The following CASQ2 variants were observed in gnomAD, a reference collection of about 807,000 sequenced individuals.
The protein encoded by CASQ2 is calsequestrin-2.
A neutral mutation model predicts 46.5 loss-of-function variants in CASQ2; 49 were observed. The ratio of observed to expected loss-of-function variants is 1.05; its 90% CI spans 0.84 to 1.34. The LOEUF is 1.34. Among genes scored for constraint, CASQ2 ranks in the 40% most tolerant of loss-of-function variants. CASQ2 has a pLI of 0.00. For synonymous variants in CASQ2, 174 were observed against 168.5 expected (o/e 1.03, Z -0.25); for missense variants, 486 against 481.3 (o/e 1.01, Z -0.09).
At chr1:115,705,962 G>A (rs563653949) in intron 8 of CASQ2, among the ~76,000 whole-genome samples, 1 of 152,248 alleles carries the variant, frequency 6.6e-6, no homozygotes, top group South Asian at 2.1e-4. Flanking sequence ...AGCTTTAAAA[G>A]CCTAAACCTT....
At chr1:115,730,609 T>C (rs1047839859) in intron 5 of CASQ2, among the ~76,000 whole-genome samples, 2 of 152,206 alleles carry the variant, frequency 1.3e-5, no homozygotes, top group Non-Finnish European at 2.9e-5. Flanking sequence ...CCTCAATAGA[T>C]TCTTCTTCCT....
At chr1:115,726,033 C>G (rs1213812965) in intron 6 of CASQ2, among the ~76,000 whole-genome samples, 1 of 152,160 alleles carries the variant, frequency 6.6e-6, no homozygotes, top group Admixed American at 6.5e-5. Flanking sequence ...CAGACAGGAT[C>G]TATATTTTGC....
chr1:115,723,888 T>C (rs568488298), intron 7 of CASQ2, among the ~76,000 whole-genome samples: 1 of 152,304 alleles, frequency 6.6e-6, no homozygotes, highest in South Asian at 2.1e-4. Context: ...GGAAAGTTTG[T>C]TTCTATTGTG....
chr1:115,735,228 A>G (rs1489892361), intron 4 of CASQ2, among the ~76,000 whole-genome samples: 1 of 152,228 alleles, frequency 6.6e-6, no homozygotes, highest in African/African-American at 2.4e-5. Flanking sequence ...AAGTGACTCC[A>G]ATAACATTCA....
intron 1 of CASQ2, among the ~76,000 whole-genome samples, chr1:115,748,910 C>G (rs2101106235): frequency 6.6e-6 from 1 of 152,272 alleles, no homozygotes; most frequent in East Asian, 1.9e-4. Flanking sequence ...ATAAGAATCA[C>G]CCAGGGACTA....
intron 1 of CASQ2, 61 bp from the exon 2 acceptor site, chr1:115,744,973 A>G (rs1377824957): frequency 1.7e-6 from 2 of 1,163,728 alleles, no homozygotes; most frequent in African/African-American, 1.5e-5. Context: ...AAAATATTAC[A>G]GGATTACTAT....
chr1:115,738,629 T>C (rs560784703), intron 3 of CASQ2, among the ~76,000 whole-genome samples: 10 of 152,360 alleles, frequency 6.6e-5, no homozygotes, highest in African/African-American at 2.4e-4. Context: ...ATTTATTGGA[T>C]GTAAAGTGTT....
intron 4 of CASQ2, 122 bp from the exon 5 acceptor site, chr1:115,733,096 G>T: frequency 1.5e-6 from 1 of 668,788 alleles, no homozygotes; most frequent in Non-Finnish European, 2.6e-6. Context: ...AATTTAGTAG[G>T]TATTGTTTAC....
At chr1:115,727,859 G>A (rs995864903) in intron 5 of CASQ2, among the ~76,000 whole-genome samples, 4 of 152,330 alleles carry the variant, frequency 2.6e-5, no homozygotes, top group Admixed American at 1.3e-4. Context: ...AGAGCCAGCC[G>A]ATAGCCAGGA....
rs2101068879 is a variant in CASQ2 at position 115,717,901 on chromosome 1, G to A, written c.784-7C>T. The A allele has an allele frequency of 3.7e-6, 6 of 1,601,270 alleles. No homozygotes were observed. Among genetic ancestry groups the A allele is most frequent in the Non-Finnish European group, 5.1e-6 (6 of 1,168,266 alleles). On this transcript the variant is annotated splice_polypyrimidine_tract_variant and splice_region_variant and intron_variant, in intron 7 of 10. Coordinates refer to ENST00000261448, the MANE Select transcript of CASQ2 (RefSeq NM_001232.4). ...TCCCATTCAAATCATCTTCCTGTAT[G>A]AGAAAAGTAACAAAAGTTACACTTC...
At chr1:115,716,554 C>G (rs1411470227) in intron 8 of CASQ2, among the ~76,000 whole-genome samples, 1 of 152,184 alleles carries the variant, frequency 6.6e-6, no homozygotes, top group East Asian at 1.9e-4. Context: ...CACACACACA[C>G]AAGCACACAC....
At chr1:115,723,131 G>T (rs1647441576) in intron 7 of CASQ2, among the ~76,000 whole-genome samples, 1 of 152,134 alleles carries the variant, frequency 6.6e-6, no homozygotes, top group African/African-American at 2.4e-5. Flanking sequence ...TTCTGGGCCA[G>T]GAAAAAGAGA....
At chr1:115,703,592 T>C (rs928121820) in intron 9 of CASQ2, among the ~76,000 whole-genome samples, 2 of 152,130 alleles carry the variant, frequency 1.3e-5, no homozygotes, top group Non-Finnish European at 2.9e-5. Flanking sequence ...CAGAATAGTC[T>C]GAAGATTTCT....
intron 1 of CASQ2, among the ~76,000 whole-genome samples, chr1:115,754,255 A>G (rs940662629): frequency 6.6e-6 from 1 of 152,146 alleles, no homozygotes; most frequent in Non-Finnish European, 1.5e-5. Context: ...TCAAGCGAGT[A>G]TCGGGGGCCT....
chr1:115,764,168 C>T (rs568346263), intron 1 of CASQ2, among the ~76,000 whole-genome samples: 10 of 152,044 alleles, frequency 6.6e-5, no homozygotes, highest in African/African-American at 1.9e-4. Context: ...AAGAAATGTT[C>T]ATTAAAACAA....
intron 1 of CASQ2, among the ~76,000 whole-genome samples, chr1:115,752,191 A>G (rs922459603): frequency 3.9e-5 from 6 of 152,188 alleles, no homozygotes; most frequent in African/African-American, 1.4e-4. Flanking sequence ...CTCAAAAGGC[A>G]TTCCCTGACT....
At chr1:115,727,172 T>G (rs776662900) in intron 5 of CASQ2, 50 bp from the exon 6 acceptor site, 1 of 1,360,082 alleles carries the variant, frequency 7.4e-7, no homozygotes, top group Non-Finnish European at 1.0e-6. Context: ...TAGTCTAGAA[T>G]AGCAGTGTGT....
intron 1 of CASQ2, among the ~76,000 whole-genome samples, chr1:115,746,228 C>A (rs887684849): frequency 3.3e-5 from 5 of 151,668 alleles, no homozygotes; most frequent in Non-Finnish European, 7.4e-5. Flanking sequence ...ATCATTCACT[C>A]ATTAAAGGAT....
intron 2 of CASQ2, among the ~76,000 whole-genome samples, chr1:115,744,248 C>T (rs550309693): frequency 6.6e-5 from 10 of 152,322 alleles, no homozygotes; most frequent in African/African-American, 2.2e-4. Flanking sequence ...GTGCACTGCA[C>T]TTAAGCATGA....
Sources: allele counts gnomAD v4.1 joint callset (sites outside exome capture counted in the v4.1 genomes callset), GRCh38; gene constraint gnomAD v4.1.1; transcripts MANE v1.5; gene names NCBI Gene and HGNC (gene_info 2026-07-23, HGNC 2026-07-21).